The following SPACA7 variants were observed in gnomAD, a reference collection of about 807,000 sequenced individuals.
SPACA7 encodes sperm acrosome associated 7, also known as sperm acrosome-associated protein 7.
SPACA7 carries 19 observed loss-of-function variants against 26.3 expected under a neutral mutation model. The observed-to-expected ratio is 0.72, with a 90% confidence interval of 0.50 to 1.06. SPACA7 has a LOEUF of 1.06. SPACA7 is among the 50% of genes least tolerant of loss of function. The probability of loss-of-function intolerance (pLI) is 0.00; values close to 1 mark genes in which losing one functional copy is unlikely to be tolerated. For missense variants in SPACA7, 211 were observed against 229.9 expected (o/e 0.92, Z 0.53); for synonymous variants, 84 against 84.5 (o/e 0.99, Z 0.04).
intron 1 of SPACA7, among the ~76,000 whole-genome samples, chr13:112,385,416 T>G (rs1884461163): frequency 6.6e-6 from 1 of 152,218 alleles, no homozygotes. Context: ...CAACTTTTAT[T>G]TTTAGTGAAA....
rs1377443402 is a variant in SPACA7, at chr13:112,413,204, A to G, written c.445+12040A>G. ...ACCTTCAGATAATTGCTTGTTGCAC[A>G]TTAGCACCCTTTTCTTTCAGATTGA... is the stretch of plus-strand genomic sequence containing the variant. On this transcript the variant is annotated intron_variant, in intron 5 of 6. Coordinates refer to ENST00000283550, the MANE Select transcript of SPACA7 (RefSeq NM_145248.5). 2.0e-5 allele frequency among the ~76,000 whole-genome samples: 3 copies of G among 152,236 alleles called. No homozygotes were observed. The South Asian group carries it at 6.2e-4, about 32-fold the overall frequency.
intron 1 of SPACA7, among the ~76,000 whole-genome samples, chr13:112,388,480 G>A (rs1373752459): frequency 5.3e-5 from 8 of 152,284 alleles, no homozygotes; most frequent in African/African-American, 9.6e-5. Flanking sequence ...GCAGTGCCCC[G>A]CCAGTAGAGA....
chr13:112,390,029 C>T (rs911749953), intron 1 of SPACA7, among the ~76,000 whole-genome samples: 1 of 151,976 alleles, frequency 6.6e-6, no homozygotes, highest in Non-Finnish European at 1.5e-5. Context: ...GGTCTTTTTC[C>T]TTTTCAGCCT....
chr13:112,397,783 C>G (rs1446740418), intron 2 of SPACA7, among the ~76,000 whole-genome samples: 4 of 152,200 alleles, frequency 2.6e-5, no homozygotes, highest in Admixed American at 1.3e-4. Flanking sequence ...AAGCGTCCAG[C>G]CTTGTACCTT....
At position 112,383,051 on chromosome 13, in the gene SPACA7, G is replaced by GAGAGAGAGA. The variant is rs1216665909; in HGVS notation, c.94+6572_94+6573insAGAGAGAGA. 9.6e-4 allele frequency among the ~76,000 whole-genome samples: 29 copies of GAGAGAGAGA among 30,110 alleles called. 2 individuals are homozygous for GAGAGAGAGA. The highest frequency in any genetic ancestry group is 5.0e-3 in the Admixed American group (16 of 3,226). The allele number at this position is 30,110 out of a possible 152,430, so 19.8% of individuals were successfully genotyped here. On this transcript the variant is annotated intron_variant, in intron 1 of 6. Transcript: ENST00000283550. The stretch of plus-strand genomic sequence containing the variant: ...AAGAGAGAGAGAGAGAAAGACAGAA[G>GAGAGAGAGA]GAAAGAAAGAGACAGAAAGAGAAAG...
chr13:112,387,558 T>C (rs1342057046), intron 1 of SPACA7, among the ~76,000 whole-genome samples: 1 of 152,174 alleles, frequency 6.6e-6, no homozygotes, highest in Non-Finnish European at 1.5e-5. Context: ...AGACAAATAG[T>C]TTACCATTTA....
At chr13:112,415,885 C>T (rs2139024139) in intron 5 of SPACA7, among the ~76,000 whole-genome samples, 1 of 152,204 alleles carries the variant, frequency 6.6e-6, no homozygotes, top group Non-Finnish European at 1.5e-5. Context: ...GGTCTAAATG[C>T]TCCCTCTGTG....
At chr13:112,383,071 A>ACAGAAG in intron 1 of SPACA7, among the ~76,000 whole-genome samples, 1 of 142,688 alleles carries the variant, frequency 7.0e-6, no homozygotes, top group Admixed American at 7.4e-5. Flanking sequence ...AGACAGAAAG[A>ACAGAAG]GAAAGAAAGA....
At chr13:112,401,451 C>T (rs1027396749) in intron 5 of SPACA7, among the ~76,000 whole-genome samples, 2 of 152,148 alleles carry the variant, frequency 1.3e-5, no homozygotes, top group African/African-American at 4.8e-5. Flanking sequence ...CTTTTAGCCT[C>T]ATTTCTCAAA....
chr13:112,394,029 T>C (rs936174081), intron 2 of SPACA7, among the ~76,000 whole-genome samples: 3 of 152,094 alleles, frequency 2.0e-5, no homozygotes, highest in African/African-American at 7.2e-5. Flanking sequence ...GTAATAATAT[T>C]TTATTTCACG....
intron 5 of SPACA7, among the ~76,000 whole-genome samples, chr13:112,406,235 T>C (rs1885978717): frequency 6.6e-6 from 1 of 152,186 alleles, no homozygotes; most frequent in Non-Finnish European, 1.5e-5. Context: ...TCTGTACCAT[T>C]AAGGAATAAC....
At chr13:112,377,531 T>A (rs976045090) in intron 1 of SPACA7, among the ~76,000 whole-genome samples, 2 of 152,154 alleles carry the variant, frequency 1.3e-5, no homozygotes, top group African/African-American at 4.8e-5. Flanking sequence ...GCCAAGGCAA[T>A]AAAATAATCA....
chr13:112,387,749 A>G (rs913591383), intron 1 of SPACA7, among the ~76,000 whole-genome samples: 2 of 152,066 alleles, frequency 1.3e-5, no homozygotes, highest in African/African-American at 4.8e-5. Flanking sequence ...GAAAATCACC[A>G]TTTCCTGTTT....
intron 5 of SPACA7, among the ~76,000 whole-genome samples, chr13:112,423,686 C>A (rs923153722): frequency 6.6e-6 from 1 of 152,176 alleles, no homozygotes; most frequent in Admixed American, 6.5e-5. Context: ...CAGTGAAGAA[C>A]ATAATCCTCA....
intron 5 of SPACA7, among the ~76,000 whole-genome samples, chr13:112,430,499 G>A (rs1378702629): frequency 6.6e-6 from 1 of 152,058 alleles, no homozygotes. Flanking sequence ...ATCCTTTCCA[G>A]ACATTAAAAA....
Position 112,404,978 on chromosome 13 carries a change from CTT to C in SPACA7, c.445+3837_445+3838del, listed in dbSNP as rs373253878. On this transcript the variant is annotated intron_variant, in intron 5 of 6. Transcript: ENST00000283550. ...CTAATTAGCTCCATTGTATTCTCTTCTTTTTTTTTTTTTTTTTTTTTTTTAAG... is the reference window on the plus strand; with the variant it reads ...CTAATTAGCTCCATTGTATTCTCTTCTTTTTTTTTTTTTTTTTTTTTTAAG... Among the ~76,000 whole-genome samples the C allele has an allele frequency of 7.6e-3, 714 of 94,194 alleles. 4 individuals carry two copies. Among genetic ancestry groups the C allele is most frequent in the South Asian group, 0.024 (64 of 2,716 alleles). The allele number at this position is 94,194 out of a possible 152,430, so 61.8% of individuals were successfully genotyped here.
chr13:112,408,011 CT>C (rs1423110766), intron 5 of SPACA7, among the ~76,000 whole-genome samples: 1 of 152,138 alleles, frequency 6.6e-6, no homozygotes, highest in Non-Finnish European at 1.5e-5. Context: ...CATCAAAAAG[CT>C]TATCCACCAT....
rs1401612096 is a variant in SPACA7 at position 112,408,749 on chromosome 13, T to C, written c.445+7585T>C. 3.3e-5 allele frequency among the ~76,000 whole-genome samples: 5 copies of C among 152,138 alleles called. No homozygotes were observed. In the East Asian group the frequency reaches 9.6e-4, roughly 29 times the overall value. On this transcript the variant is annotated intron_variant, in intron 5 of 6. Coordinates refer to ENST00000283550, the MANE Select transcript of SPACA7 (RefSeq NM_145248.5). The stretch of plus-strand genomic sequence containing the variant: ...CAAATGGAAGAGCATTCCATGCCCA[T>C]GGATAGGAAGAATAGATATCATGAA...
intron 5 of SPACA7, among the ~76,000 whole-genome samples, chr13:112,426,169 T>TA (rs1302203662): frequency 6.6e-6 from 1 of 152,254 alleles, no homozygotes; most frequent in African/African-American, 2.4e-5. Flanking sequence ...CATCATTTGC[T>TA]AAAAAATTCA....
Sources: allele counts gnomAD v4.1 joint callset (sites outside exome capture counted in the v4.1 genomes callset), GRCh38; gene constraint gnomAD v4.1.1; transcripts MANE v1.5; gene names NCBI Gene and HGNC (gene_info 2026-07-23, HGNC 2026-07-21).